ANKRD35: variants seen among roughly 807,000 people sequenced by gnomAD.
ANKRD35 encodes ankyrin repeat domain 35.
A neutral mutation model predicts 109.9 loss-of-function variants in ANKRD35; 102 were observed. That is an observed-to-expected ratio of 0.93 (90% CI 0.79 to 1.09). ANKRD35 has a LOEUF of 1.09. Ranked by LOEUF, ANKRD35 falls within the 50% of genes least tolerant of loss-of-function variation. ANKRD35 has a pLI of 0.00. For missense variants in ANKRD35, 1,240 were observed against 1,230.1 expected (o/e 1.01, Z -0.12); for synonymous variants, 515 against 512.4 (o/e 1.01, Z -0.07).
At chr1:145,877,638 A>G (rs1268874106) in intron 4 of ANKRD35, among the ~76,000 whole-genome samples, 1 of 152,200 alleles carries the variant, frequency 6.6e-6, no homozygotes, top group Admixed American at 6.5e-5. Context: ...TCAGAAACAG[A>G]CAGTAGGGCT....
At chr1:145,876,498 G>T in intron 6 of ANKRD35, 71 bp downstream of exon 6, 1 of 1,582,946 alleles carries the variant, frequency 6.3e-7, no homozygotes, top group Non-Finnish European at 8.7e-7. Context: ...GTGGAAGTTG[G>T]CCAGTCAAGC....
chr1:145,884,600 C>G (rs995565593), intron 1 of ANKRD35, among the ~76,000 whole-genome samples: 1 of 151,954 alleles, frequency 6.6e-6, no homozygotes, highest in Admixed American at 6.6e-5. Flanking sequence ...GAAGAAGAAG[C>G]AATACCCTCC....
At chr1:145,875,626 G>A (rs1654038308) in intron 7 of ANKRD35, among the ~76,000 whole-genome samples, 1 of 151,616 alleles carries the variant, frequency 6.6e-6, no homozygotes, top group African/African-American at 2.4e-5. Flanking sequence ...TCGGCTCACT[G>A]CAACCTCCAC....
intron 1 of ANKRD35, among the ~76,000 whole-genome samples, chr1:145,880,304 A>T (rs1654241419): frequency 6.6e-6 from 1 of 152,184 alleles, no homozygotes; most frequent in Non-Finnish European, 1.5e-5. Flanking sequence ...TTGTCCAGAG[A>T]AGGGAATGAA....
At chr1:145,879,847 T>C (rs1040957040) in intron 1 of ANKRD35, among the ~76,000 whole-genome samples, 6 of 148,884 alleles carry the variant, frequency 4.0e-5, no homozygotes, top group Admixed American at 6.8e-5. Context: ...TGCTCTGCTT[T>C]TTGTTGTCAG....
Position 145,876,197 on chromosome 1 carries a change from A to G in ANKRD35, c.503T>C (p.Ile168Thr), listed in dbSNP as rs782514137. The G allele has an allele frequency of 3.7e-6, 6 of 1,614,074 alleles. No homozygotes were observed. The highest frequency in any genetic ancestry group is 1.7e-5 in the Admixed American group (1 of 60,014). The change falls in exon 7 of 14, where the codon ATC becomes ACC. Residue 168 changes from isoleucine (I) to threonine (T), a missense_variant. Physicochemically the swap from Ile to Thr is moderately conservative, Grantham distance 89 (BLOSUM62 -1). Coordinates refer to ENST00000355594, the MANE Select transcript of ANKRD35 (RefSeq NM_144698.5). ...MIASLGGHAAICSQLLQRGAR... is the reference protein window; with the variant it reads ...MIASLGGHAATCSQLLQRGAR... ...GCCTCGCTGCAGCAGCTGTGAGCAG[A>G]TAGCTGCGTGCCCACCCAGCGATGC...
intron 4 of ANKRD35, among the ~76,000 whole-genome samples, chr1:145,877,240 T>TC (rs1260738965): frequency 1.3e-5 from 2 of 151,858 alleles, no homozygotes; most frequent in Admixed American, 1.3e-4. Flanking sequence ...CTGATTTTTT[T>TC]TTTTTTTTTT....
At chr1:145,885,649 C>T (rs1270576406) in intron 1 of ANKRD35, 71 bp downstream of exon 1, 36 of 1,521,148 alleles carry the variant, frequency 2.4e-5, no homozygotes, top group Non-Finnish European at 3.1e-5. Flanking sequence ...TGCATTGAGA[C>T]GGGACTAAAG....
chr1:145,871,153 C>CTTTTTCTTTTT (rs1559171865), intron 10 of ANKRD35, among the ~76,000 whole-genome samples: 1 of 78,098 alleles, frequency 1.3e-5, no homozygotes, highest in African/African-American at 4.7e-5. Flanking sequence ...TTTCTTTTTT[C>CTTTTTCTTTTT]TTTTTTTTTT....
At position 145,885,778 on chromosome 1, in the gene ANKRD35, G is replaced by C. The variant is rs372420975; in HGVS notation, c.-20C>G. The C allele has an allele frequency of 1.3e-6, 2 of 1,595,440 alleles. No homozygotes were observed. Among genetic ancestry groups the C allele is most frequent in the Non-Finnish European group, 1.7e-6 (2 of 1,163,310 alleles). ...CTTCATGGCCGGGGTCGGGGCCACG[G>C]GGGATGGGGACGCGCAGAGAGCCGG... On this transcript the variant is annotated 5_prime_UTR_variant, in exon 1 of 14. Coordinates refer to ENST00000355594, the MANE Select transcript of ANKRD35 (RefSeq NM_144698.5).
chr1:145,874,787 C>T (rs1653996425), intron 8 of ANKRD35, 35 bp downstream of exon 8: 2 of 1,525,172 alleles, frequency 1.3e-6, no homozygotes, highest in East Asian at 4.7e-5. Context: ...TTCTCTGATT[C>T]TTAGAGAACG....
intron 2 of ANKRD35, 93 bp downstream of exon 2, chr1:145,879,165 G>T: frequency 7.2e-7 from 1 of 1,381,144 alleles, no homozygotes; most frequent in Non-Finnish European, 9.5e-7. Flanking sequence ...GAGCTCTGAA[G>T]TTGTAGGCAT....
intron 1 of ANKRD35, among the ~76,000 whole-genome samples, chr1:145,880,619 A>G (rs1654250705): frequency 6.6e-6 from 1 of 152,206 alleles, no homozygotes; most frequent in Non-Finnish European, 1.5e-5. Flanking sequence ...TGGTGGTGGC[A>G]CATAGCATTT....
chr1:145,878,910 C>T (rs1370319995), intron 2 of ANKRD35, among the ~76,000 whole-genome samples: 1 of 152,258 alleles, frequency 6.6e-6, no homozygotes, highest in East Asian at 1.9e-4. Context: ...TCCCATGCTA[C>T]CACTTCATTT....
Position 145,879,367 on chromosome 1 carries a change from C to T in ANKRD35, c.61G>A (p.Asp21Asn). 1 of 1,590,960 alleles carries T rather than the reference C, an allele frequency of 6.3e-7. No individual in the cohort carries two copies. The highest frequency in any genetic ancestry group is 1.4e-5 in the African/African-American group (1 of 73,806). Residue 21 changes from aspartate to asparagine, a missense_variant, in exon 2 of 14, where the codon GAT (aspartate) becomes AAT (asparagine). Transcript: ENST00000355594. ...TGCACTGCCTCCAGCAGCTTCTGATCATGGCGGTTCCATCTCTCCACCTGG... is the reference window on the plus strand; with the variant it reads ...TGCACTGCCTCCAGCAGCTTCTGATTATGGCGGTTCCATCTCTCCACCTGG... Reference protein sequence around the residue: ...QVAVERWNRHDQKLLEAVHRG... With the variant: ...QVAVERWNRHNQKLLEAVHRG...
intron 7 of ANKRD35, 63 bp from the exon 8 acceptor site, chr1:145,875,069 G>A (rs919398112): frequency 6.4e-5 from 95 of 1,486,158 alleles, no homozygotes; most frequent in Middle Eastern, 3.6e-4. Flanking sequence ...CCTGGTTCCA[G>A]ACATTCCACT....
chr1:145,873,053 C>T lies in ANKRD35; in HGVS notation c.1716G>A (p.Lys572=). 1.9e-6 allele frequency: 3 copies of T among 1,611,730 alleles called. No homozygotes were observed. Among genetic ancestry groups the T allele is most frequent in the Non-Finnish European group, 1.7e-6 (2 of 1,178,886 alleles). Residue 572 remains lysine (K), a synonymous_variant, in exon 10 of 14, where the codon AAG becomes AAA. Coordinates refer to ENST00000355594, the MANE Select transcript of ANKRD35 (RefSeq NM_144698.5). ...PSQESREGAL[K]AAPGSIKQDE... is the part of the protein sequence containing the mutation. Reference sequence around the variant, plus strand: ...CCTGTTTGATGCTCCCTGGGGCTGCCTTTAGGGCTCCCTCTCTGGACTCCT... The same window carrying T: ...CCTGTTTGATGCTCCCTGGGGCTGCTTTTAGGGCTCCCTCTCTGGACTCCT...
At position 145,867,267 on chromosome 1, in the gene ANKRD35, A is replaced by T; in HGVS notation, c.*43+20T>A. Reference sequence around the variant, plus strand: ...TTTCTCCCAAACTCCTTCCCTCATCACCCTTAACCCACAACTCACAACAGA... The same window carrying T: ...TTTCTCCCAAACTCCTTCCCTCATCTCCCTTAACCCACAACTCACAACAGA... On this transcript the variant is annotated intron_variant, in intron 13 of 13. Coordinates refer to ENST00000355594, the MANE Select transcript of ANKRD35 (RefSeq NM_144698.5). 6.6e-7 allele frequency: 1 copy of T among 1,517,186 alleles called. No individual in the cohort carries two copies. The highest frequency in any genetic ancestry group is 9.1e-7 in the Non-Finnish European group (1 of 1,095,292). The allele number at this position is 1,517,186 out of a possible 1,614,324, so 94.0% of individuals were successfully genotyped here.
In ANKRD35 at chr1:145,878,434, G is replaced by A. The variant is rs1553740546; in HGVS notation, c.216C>T (p.Ile72=). ...TGATGTCAGCCCCATTTGCAAGCAGGATAGTCAGACATTCTGTCAGGCCTT... is the reference window on the plus strand; with the variant it reads ...TGATGTCAGCCCCATTTGCAAGCAGAATAGTCAGACATTCTGTCAGGCCTT... ...ASKGLTECLT[I]LLANGADINS... is the part of the protein sequence containing the mutation. The change falls in exon 3 of 14, where the codon ATC becomes ATT. Residue 72 remains isoleucine (I), a synonymous_variant. Coordinates refer to ENST00000355594, the MANE Select transcript of ANKRD35 (RefSeq NM_144698.5). 2.5e-6 allele frequency: 4 copies of A among 1,573,306 alleles called. No individual in the cohort carries two copies. The highest frequency in any genetic ancestry group is 4.7e-5 in the East Asian group (2 of 42,978).
Sources: gnomAD v4.1 joint callset for allele counts (sites outside exome capture counted in the v4.1 genomes callset) on GRCh38, gnomAD v4.1.1 for gene constraint, MANE v1.5 for transcripts, NCBI Gene and HGNC (gene_info 2026-07-23, HGNC 2026-07-21) for gene names.